TENM3: variants seen among roughly 807,000 people sequenced by gnomAD.
TENM3 encodes the protein teneurin-3.
A neutral mutation model predicts 255.1 loss-of-function variants in TENM3; 63 were observed. That is an observed-to-expected ratio of 0.25 (90% confidence interval 0.20 to 0.30). The LOEUF (loss-of-function observed/expected upper bound fraction) is 0.30. TENM3 is among the 10% of genes least tolerant of loss of function. The pLI is 1.00. For missense variants in TENM3, 2,929 were observed against 3,461.1 expected, an observed-to-expected ratio of 0.85 and a Z score of 3.86; for synonymous variants, 1,306 against 1,322.3, an observed-to-expected ratio of 0.99 and a Z score of 0.27.
At chr4:181,605,564 AAGAAAGAGAGAGAAAGAAAGGAAAGAAAG>A in the TENM3 span, among the ~76,000 whole-genome samples, 2 of 24,972 alleles carry the variant, frequency 8.0e-5, no homozygotes, top group Non-Finnish European at 2.2e-4. Flanking sequence ...GAAAGAAAGA[AAGAAAGAGAGAGAAAGAAAGGAAAGAAAG>A]AAAGAAAGAA....
At chr4:181,563,843 T>A in the TENM3 span, among the ~76,000 whole-genome samples, 3 of 152,136 alleles carry the variant, frequency 2.0e-5, 1 homozygote, top group South Asian at 6.2e-4. Flanking sequence ...CAATAGCTCA[T>A]ACAATCTAAC....
chr4:182,169,080 C>CAT (rs1561162041), intron 1 of TENM3, among the ~76,000 whole-genome samples: 1 of 151,292 alleles, frequency 6.6e-6, no homozygotes, highest in Non-Finnish European at 1.5e-5. Context: ...GCCATACACA[C>CAT]ACACACACAC....
chr4:182,134,964 T>C, the TENM3 span, among the ~76,000 whole-genome samples: 13,966 of 151,748 alleles, frequency 0.092, 899 homozygotes, highest in Non-Finnish European at 0.14. Flanking sequence ...TCCCAGCACT[T>C]TGGGAGGCCG....
intron 3 of TENM3, chr4:182,448,992 A>T (rs1174400357): frequency 7.5e-6 from 3 of 399,600 alleles, no homozygotes; most frequent in Non-Finnish European, 1.5e-5. Flanking sequence ...GCCCGGAGCC[A>T]GGCGCTGTAA....
the TENM3 span, among the ~76,000 whole-genome samples, chr4:181,651,340 C>T: frequency 2.6e-5 from 4 of 152,118 alleles, no homozygotes; most frequent in African/African-American, 9.7e-5. Flanking sequence ...TGGCTCACAC[C>T]TGTAATCCCA....
chr4:181,526,748 TAGAGAG>T, the TENM3 span, among the ~76,000 whole-genome samples: 1 of 152,124 alleles, frequency 6.6e-6, no homozygotes. Context: ...TTGAGACTAT[TAGAGAG>T]AGAGCTGTGT....
At chr4:182,347,007 T>A in intron 3 of TENM3, 78 bp downstream of exon 3, 4 of 1,079,996 alleles carry the variant, frequency 3.7e-6, no homozygotes, top group Non-Finnish European at 2.6e-6. Context: ...GGGGGGGATG[T>A]TTTTCTTTCT....
chr4:181,740,215 C>T, the TENM3 span, among the ~76,000 whole-genome samples: 2 of 151,968 alleles, frequency 1.3e-5, no homozygotes, highest in African/African-American at 2.4e-5. Flanking sequence ...TGGACAGAAC[C>T]GTTTGCTAAA....
intron 1 of TENM3, among the ~76,000 whole-genome samples, chr4:182,319,263 A>G (rs1011293984): frequency 4.6e-5 from 7 of 152,352 alleles, no homozygotes; most frequent in African/African-American, 1.4e-4. Flanking sequence ...TGCTCTAACA[A>G]TTTGGCATTA....
chr4:181,953,612 C>A, the TENM3 span, among the ~76,000 whole-genome samples: 2 of 151,652 alleles, frequency 1.3e-5, no homozygotes, highest in African/African-American at 4.8e-5. Flanking sequence ...ACCCAGGAGG[C>A]GAGGTTGCAG....
intron 3 of TENM3, among the ~76,000 whole-genome samples, chr4:182,353,813 A>G (rs938628118): frequency 1.3e-5 from 2 of 152,066 alleles, no homozygotes; most frequent in East Asian, 1.9e-4. Flanking sequence ...TAAAAATACA[A>G]AAATTAGCTG....
chr4:181,937,202 G>A, the TENM3 span, among the ~76,000 whole-genome samples: 1 of 152,210 alleles, frequency 6.6e-6, no homozygotes, highest in Non-Finnish European at 1.5e-5. Context: ...GGAAGGCCAA[G>A]GTGGCTGCAA....
the TENM3 span, among the ~76,000 whole-genome samples, chr4:181,465,356 A>G: frequency 6.6e-6 from 1 of 151,954 alleles, no homozygotes; most frequent in East Asian, 1.9e-4. Flanking sequence ...TGCATGGAAT[A>G]GACTGACTAA....
Position 182,680,286 on chromosome 4 carries a change from G to A in TENM3, c.1576G>A (p.Gly526Arg), listed in dbSNP as rs575668761. The A allele has an allele frequency of 6.2e-7, 1 of 1,613,846 alleles. No homozygotes were observed. The highest frequency in any genetic ancestry group is 2.2e-5 in the East Asian group (1 of 44,868). ...ATGTCCCCGAAATTGCCATGGAAAT[G>A]GAGAATGCGTTTCTGGAACTTGCCA... ...VECPRNCHGN[G>R]ECVSGTCHCF... The change falls in exon 9 of 28, where the codon GGA becomes AGA. Residue 526 changes from glycine to arginine, a missense_variant. Around this residue, in one of 6 missense-constraint regions of TENM3, gnomAD observed 1,608 missense variants for 1,884.4 expected, o/e 0.85. Transcript: ENST00000511685.
At chr4:181,455,896 A>G in the TENM3 span, among the ~76,000 whole-genome samples, 68 of 152,108 alleles carry the variant, frequency 4.5e-4, no homozygotes, top group East Asian at 0.01. Flanking sequence ...CTATATTAAT[A>G]GCTTTGATAG....
intron 1 of TENM3, among the ~76,000 whole-genome samples, chr4:182,216,065 G>A (rs1046571507): frequency 6.6e-6 from 1 of 152,090 alleles, no homozygotes; most frequent in Non-Finnish European, 1.5e-5. Context: ...TTTGTTTCGT[G>A]GTTGATTTCT....
chr4:182,438,092 G>C (rs147891509), intron 3 of TENM3, among the ~76,000 whole-genome samples: 2,167 of 152,250 alleles, frequency 0.014, 27 homozygotes, highest in Non-Finnish European at 0.021. Context: ...ATGAGACCCA[G>C]ATAACTTAAG....
the TENM3 span, among the ~76,000 whole-genome samples, chr4:182,072,238 A>C: frequency 3.0e-4 from 45 of 152,316 alleles, no homozygotes; most frequent in African/African-American, 1.1e-3. Context: ...CTAGCTCTCC[A>C]GTATTTCTTC....
the TENM3 span, among the ~76,000 whole-genome samples, chr4:181,862,394 AT>A: frequency 4.6e-5 from 7 of 152,256 alleles, no homozygotes; most frequent in South Asian, 6.2e-4. Flanking sequence ...ATTTTATTTT[AT>A]CTGGTAACAC....
Sources: gnomAD v4.1 joint callset for allele counts (sites outside exome capture counted in the v4.1 genomes callset) on GRCh38, gnomAD v4.1.1 for gene constraint, gnomAD v4.1.1 regional missense constraint, MANE v1.5 for transcripts, NCBI Gene and HGNC (gene_info 2026-07-23, HGNC 2026-07-21) for gene names.